Variants in WWOX observed in about 807,000 individuals in gnomAD.
The protein encoded by WWOX is WW domain containing oxidoreductase, also known as WW domain-containing oxidoreductase.
A neutral mutation model predicts 46.2 loss-of-function variants in WWOX; 69 were observed. The ratio of observed to expected loss-of-function variants is 1.49; its 90% confidence interval spans 1.23 to 1.82. The LOEUF (loss-of-function observed/expected upper bound fraction) is 1.82, where lower values mean the gene tolerates loss of function less well. Among genes scored for constraint, WWOX ranks in the 40% most tolerant of loss-of-function variants. The pLI is 0.00. For missense variants in WWOX, 919 were observed against 542.6 expected (o/e 1.69, Z -6.89); for synonymous variants, 359 against 202.6 (o/e 1.77, Z -6.56).
At chr16:79,196,082 C>G (rs1351349583) in intron 8 of WWOX, among the ~76,000 whole-genome samples, 1 of 152,088 alleles carries the variant, frequency 6.6e-6, no homozygotes, top group Non-Finnish European at 1.5e-5. Context: ...GAGGAAGTAC[C>G]AAAGCCAAAA....
At chr16:79,107,543 C>G (rs538626640) in intron 8 of WWOX, among the ~76,000 whole-genome samples, 11 of 152,326 alleles carry the variant, frequency 7.2e-5, no homozygotes, top group Non-Finnish European at 1.6e-4. Context: ...CACTTTTTAT[C>G]TTTTGGATAG....
chr16:79,198,291 T>C (rs1202706606), intron 8 of WWOX, among the ~76,000 whole-genome samples: 1 of 152,140 alleles, frequency 6.6e-6, no homozygotes, highest in Non-Finnish European at 1.5e-5. Flanking sequence ...TAAGCCGAGA[T>C]TGCGCCACTG....
chr16:78,230,783 A>G (rs10221047), intron 5 of WWOX, among the ~76,000 whole-genome samples: 94,419 of 152,114 alleles, frequency 0.62, 30,113 homozygotes, highest in East Asian at 0.78. Context: ...CTAGGAGTAT[A>G]GACTAGGGGG....
At chr16:78,582,793 C>T (rs1184334349) in intron 8 of WWOX, among the ~76,000 whole-genome samples, 2 of 152,124 alleles carry the variant, frequency 1.3e-5, no homozygotes, top group East Asian at 1.9e-4. Context: ...GGTCCTTATT[C>T]CACCCTTTGA....
rs145176853 is a variant in WWOX at position 78,317,335 on chromosome 16, C to T, written c.517-69525C>T. 6.5e-3 allele frequency among the ~76,000 whole-genome samples: 995 copies of T among 152,266 alleles called. 8 individuals carry two copies. Among genetic ancestry groups the T allele is most frequent in the South Asian group, 0.025 (122 of 4,822 alleles). Reference sequence around the variant, plus strand: ...TCTCTCACTCACATTTTAGGTAAAGCAGTGTTTCTTCCCCAGGGGTGATTG... The same window carrying T: ...TCTCTCACTCACATTTTAGGTAAAGTAGTGTTTCTTCCCCAGGGGTGATTG... On this transcript the variant is annotated intron_variant, in intron 5 of 8. Coordinates refer to ENST00000566780, the MANE Select transcript of WWOX (RefSeq NM_016373.4).
At chr16:78,238,722 C>T (rs1455145803) in intron 5 of WWOX, among the ~76,000 whole-genome samples, 6 of 151,946 alleles carry the variant, frequency 3.9e-5, no homozygotes, top group Admixed American at 3.3e-4. Flanking sequence ...CAGGTTCAAG[C>T]GATTCTCCTG....
intron 7 of WWOX, among the ~76,000 whole-genome samples, chr16:78,428,622 C>G (rs1041988712): frequency 6.6e-6 from 1 of 152,150 alleles, no homozygotes; most frequent in East Asian, 1.9e-4. Context: ...ATGACTTTCT[C>G]CTCTTAGACA....
intron 8 of WWOX, among the ~76,000 whole-genome samples, chr16:79,137,935 CTT>C (rs2050014792): frequency 6.6e-6 from 1 of 151,906 alleles, no homozygotes; most frequent in South Asian, 2.1e-4. Context: ...AAAAAAAAAA[CTT>C]TGAAGTTTTG....
At chr16:78,447,259 C>G (rs2083582779) in intron 8 of WWOX, among the ~76,000 whole-genome samples, 1 of 152,166 alleles carries the variant, frequency 6.6e-6, no homozygotes, top group Non-Finnish European at 1.5e-5. Context: ...TGTACATTTA[C>G]TCCTGTGCCA....
At chr16:78,174,548 A>G (rs1278867558) in intron 5 of WWOX, among the ~76,000 whole-genome samples, 1 of 152,204 alleles carries the variant, frequency 6.6e-6, no homozygotes, top group African/African-American at 2.4e-5. Flanking sequence ...TGCTAAATAC[A>G]TTTATTACAT....
intron 8 of WWOX, among the ~76,000 whole-genome samples, chr16:79,028,303 G>T (rs1048743679): frequency 6.6e-6 from 1 of 151,842 alleles, no homozygotes; most frequent in Non-Finnish European, 1.5e-5. Context: ...CAAATGGAAA[G>T]TTCCCCTGGA....
chr16:79,150,367 A>G (rs1597421667), intron 8 of WWOX, among the ~76,000 whole-genome samples: 1 of 152,318 alleles, frequency 6.6e-6, no homozygotes, highest in East Asian at 1.9e-4. Flanking sequence ...AATAATTCAT[A>G]ATTATATAGC....
chr16:78,842,963 C>G (rs993133036), intron 8 of WWOX, among the ~76,000 whole-genome samples: 16 of 150,122 alleles, frequency 1.1e-4, no homozygotes, highest in African/African-American at 3.9e-4. Context: ...AATGCACGCA[C>G]CCACAGGCAC....
At chr16:78,633,987 C>G (rs1054509899) in intron 8 of WWOX, among the ~76,000 whole-genome samples, 1 of 151,788 alleles carries the variant, frequency 6.6e-6, no homozygotes, top group Non-Finnish European at 1.5e-5. Context: ...GTCTGAGCCC[C>G]TAGAGAGACC....
intron 8 of WWOX, among the ~76,000 whole-genome samples, chr16:78,957,486 G>T (rs1480047246): frequency 6.6e-6 from 1 of 152,130 alleles, no homozygotes; most frequent in African/African-American, 2.4e-5. Context: ...CTGTGTTTGG[G>T]GCTGAGACAC....
intron 8 of WWOX, among the ~76,000 whole-genome samples, chr16:78,709,814 C>T (rs1390237163): frequency 1.3e-5 from 2 of 151,698 alleles, no homozygotes; most frequent in Non-Finnish European, 2.9e-5. Flanking sequence ...CTGCAACCTC[C>T]GTCTTCTGGG....
intron 8 of WWOX, among the ~76,000 whole-genome samples, chr16:79,047,072 T>C (rs774895982): frequency 4.6e-5 from 7 of 152,230 alleles, no homozygotes; most frequent in African/African-American, 7.2e-5. Context: ...TCCACAAATA[T>C]TGCTTCTCCT....
chr16:78,340,017 T>TGGC (rs1555522670), intron 5 of WWOX, among the ~76,000 whole-genome samples: 1 of 6,776 alleles, frequency 1.5e-4, no homozygotes, highest in Non-Finnish European at 3.4e-4. Context: ...ATGGATTTGG[T>TGGC]GGGGGGGGGG....
intron 8 of WWOX, among the ~76,000 whole-genome samples, chr16:79,146,732 A>G (rs1050481954): frequency 6.6e-6 from 1 of 152,152 alleles, no homozygotes. Context: ...GTGGTCAGAA[A>G]GGTGTGGTCC....
Sources: allele counts gnomAD v4.1 joint callset (sites outside exome capture counted in the v4.1 genomes callset), GRCh38; gene constraint gnomAD v4.1.1; transcripts MANE v1.5; gene names NCBI Gene and HGNC (gene_info 2026-07-23, HGNC 2026-07-21).